Variants in CACNA1H observed in about 807,000 individuals in gnomAD.
CACNA1H encodes the protein voltage-dependent T-type calcium channel subunit alpha-1H.
In CACNA1H, 149 loss-of-function variants were observed where a neutral mutation model predicts 192.5. The observed-to-expected ratio is 0.77, with a 90% confidence interval of 0.68 to 0.89. CACNA1H has a LOEUF of 0.89. Ranked by LOEUF, CACNA1H falls within the 40% of genes least tolerant of loss-of-function variation. The probability of loss-of-function intolerance (pLI) is 0.00; values close to 1 mark genes in which losing one functional copy is unlikely to be tolerated. For missense variants in CACNA1H, 4,257 were observed against 3,423.5 expected (o/e 1.24, Z -6.08); for synonymous variants, 2,202 against 1,475.2 (o/e 1.49, Z -11.29).
chr16:1,153,866 G>T lies in CACNA1H; in HGVS notation c.129G>T (p.Gly43=). ...CGCCGGGACGCGAGGCGGAGCGGGGGTCCGAGCTCGGCGTGTCACCCTCCG... is the reference window on the plus strand; with the variant it reads ...CGCCGGGACGCGAGGCGGAGCGGGGTTCCGAGCTCGGCGTGTCACCCTCCG... ...PGAPGREAER[G]SELGVSPSES... is the part of the protein sequence containing the mutation. Residue 43 remains glycine (G), a synonymous_variant, in exon 2 of 35, where the codon GGG becomes GGT. Coordinates refer to ENST00000348261, the MANE Select transcript of CACNA1H (RefSeq NM_021098.3). 3.6e-6 allele frequency: 5 copies of T among 1,387,782 alleles called. No homozygotes were observed. The highest frequency in any genetic ancestry group is 3.0e-5 in the South Asian group (2 of 65,674). 86.0% of individuals were successfully genotyped at this position (1,387,782 alleles called of 1,614,324 possible).
chr16:1,193,529 C>T (rs1056148823), intron 2 of CACNA1H, among the ~76,000 whole-genome samples: 12 of 152,242 alleles, frequency 7.9e-5, no homozygotes, highest in African/African-American at 2.4e-4. Flanking sequence ...GGTGCGTCAT[C>T]GGTAGGCGGC....
chr16:1,190,953 T>C lies in CACNA1H; in HGVS notation c.300-4019T>C, dbSNP rs867231996. ...TCGCTGACCCAGCATGCTGGCCTGG[T>C]TGTGTGGCCTCAGGCACACTCGGGG... On this transcript the variant is annotated intron_variant, in intron 2 of 34. Transcript: ENST00000348261. Among the ~76,000 whole-genome samples, 470 of 118,122 alleles carry C rather than the reference T, an allele frequency of 4.0e-3. 1 individual carries two copies. Among genetic ancestry groups the C allele is most frequent in the African/African-American group, 0.012 (347 of 28,012 alleles). 77.5% of individuals were successfully genotyped at this position (118,122 alleles called of 152,430 possible). A position where few individuals can be genotyped will look rare whatever the true frequency, so the allele number is the denominator to read the frequency against.
At chr16:1,196,828 C>G (rs1192668275) in intron 5 of CACNA1H, among the ~76,000 whole-genome samples, 1 of 152,122 alleles carries the variant, frequency 6.6e-6, no homozygotes. Flanking sequence ...GGGGTGGGAT[C>G]GTTCTTTAAG....
In CACNA1H at chr16:1,153,794, C is replaced by G; in HGVS notation, c.57C>G (p.Pro19=). 1.6e-6 allele frequency: 2 copies of G among 1,247,018 alleles called. No homozygotes were observed. Among genetic ancestry groups the G allele is most frequent in the South Asian group, 5.8e-5 (2 of 34,464 alleles). 77.2% of individuals were successfully genotyped at this position (1,247,018 alleles called of 1,614,324 possible). ...TCCGGGTGCCCCTGGGCGCGCCGCCCCCTGGCCCTGCGGCGTTGGTGGGGG... is the reference window on the plus strand; with the variant it reads ...TCCGGGTGCCCCTGGGCGCGCCGCCGCCTGGCCCTGCGGCGTTGGTGGGGG... ...DEVRVPLGAP[P]PGPAALVGAS... is the part of the protein sequence containing the mutation. Residue 19 remains proline, a synonymous_variant, in exon 2 of 35, where the codon CCC becomes CCG. Coordinates refer to ENST00000348261, the MANE Select transcript of CACNA1H (RefSeq NM_021098.3).
At chr16:1,219,199 A>C in intron 34 of CACNA1H, 69 bp downstream of exon 34, 4 of 1,397,578 alleles carry the variant, frequency 2.9e-6, no homozygotes, top group African/African-American at 1.4e-5. Flanking sequence ...GCCTCGTCTC[A>C]TCTGAAGGAC....
rs759262489 is a variant in CACNA1H at position 1,209,069 on chromosome 16, C to G, written c.3401C>G (p.Pro1134Arg). The G allele has an allele frequency of 7.1e-5, 109 of 1,541,952 alleles. No individual in the cohort carries two copies. The highest frequency in any genetic ancestry group is 9.4e-5 in the Non-Finnish European group (108 of 1,149,374). Residue 1134 changes from proline (P) to arginine (R), a missense_variant, in exon 17 of 35, where the codon CCC becomes CGC. By Grantham distance (103) the Pro-to-Arg change is moderately radical (BLOSUM62 -2). Coordinates refer to ENST00000348261, the MANE Select transcript of CACNA1H (RefSeq NM_021098.3). ...AGTTCTCCCTGTGCCCCCTGGGGCC[C>G]CAGTGGCGCCTGGAGCAGCCGGCGC... is the stretch of plus-strand genomic sequence containing the variant. Reference protein sequence around the residue: ...LRSSPCAPWGPSGAWSSRRSS... With the variant: ...LRSSPCAPWGRSGAWSSRRSS...
Position 1,198,784 on chromosome 16 carries a change from C to CCCCA in CACNA1H, c.803+14_803+17dup, listed in dbSNP as rs1457763715. The stretch of plus-strand genomic sequence containing the variant: ...ACAGTGCCTTTGTCAGGTGCCCAGG[C>CCCCA]CCCACCCCCGTGAGGCCCCTGCCCA... On this transcript the variant is annotated intron_variant, in intron 6 of 34. Coordinates refer to ENST00000348261, the MANE Select transcript of CACNA1H (RefSeq NM_021098.3). 6.2e-7 allele frequency: 1 copy of CCCCA among 1,605,330 alleles called. No individual in the cohort carries two copies. The highest frequency in any genetic ancestry group is 2.2e-5 in the East Asian group (1 of 44,744).
rs1426520537 is a variant in CACNA1H at position 1,202,153 on chromosome 16, A to T, written c.1703A>T (p.Asp568Val). 1 of 1,550,466 alleles carries T rather than the reference A, an allele frequency of 6.4e-7. No homozygotes were observed. The highest frequency in any genetic ancestry group is 1.2e-5 in the South Asian group (1 of 84,134). Residue 568 changes from aspartate (D) to valine (V), a missense_variant, in exon 9 of 35, where the codon GAC becomes GTC. Asp to Val is a radical substitution (Grantham distance 152, BLOSUM62 -3). Coordinates refer to ENST00000348261, the MANE Select transcript of CACNA1H (RefSeq NM_021098.3). ...SPPSPGRGPP[D>V]AESVHSIYHA... is the part of the protein sequence containing the mutation. The stretch of plus-strand genomic sequence containing the variant: ...CCTTCCCCAGGCCGCGGACCCCCCG[A>T]CGCAGAGTCTGTGCACAGCATCTAC...
chr16:1,207,877 G>A lies in CACNA1H; in HGVS notation c.3154+17G>A, dbSNP rs1395579430. On this transcript the variant is annotated intron_variant, in intron 15 of 34. Transcript: ENST00000348261. ...AGACCACAGGTGCGTGTGGTCGGTG[G>A]GTGGTCCGGGTTCTGGCGGGTGGAG... The A allele has an allele frequency of 2.5e-6, 4 of 1,573,044 alleles. No individual in the cohort carries two copies. The highest frequency in any genetic ancestry group is 2.7e-5 in the African/African-American group (2 of 73,798).
chr16:1,175,963 T>G (rs760550746), intron 2 of CACNA1H, among the ~76,000 whole-genome samples: 2 of 152,200 alleles, frequency 1.3e-5, no homozygotes, highest in Non-Finnish European at 2.9e-5. Context: ...CGTCTGGACC[T>G]GGCCTGGGGG....
At chr16:1,177,557 G>T (rs539767561) in intron 2 of CACNA1H, among the ~76,000 whole-genome samples, 1 of 152,246 alleles carries the variant, frequency 6.6e-6, no homozygotes, top group African/African-American at 2.4e-5. Context: ...GTGTTGGGGT[G>T]GAAGGGAAGG....
Position 1,220,932 on chromosome 16 carries a change from G to C in CACNA1H, c.7000G>C (p.Glu2334Gln), listed in dbSNP as rs1203994251. The C allele has an allele frequency of 2.5e-6, 4 of 1,609,666 alleles. No individual in the cohort carries two copies. In the Admixed American group the frequency reaches 5.0e-5, roughly 20 times the overall value. ...CCTCACAGTCCCCCAGTGTCCTCTG[G>C]AGAAACCAGGGTCCCCCTCAGCCAC... Reference protein sequence around the residue: ...LYLTVPQCPLEKPGSPSATPA... With the variant: ...LYLTVPQCPLQKPGSPSATPA... Residue 2334 changes from glutamate to glutamine, a missense_variant, in exon 35 of 35, where the codon GAG becomes CAG. Transcript: ENST00000348261.
chr16:1,172,770 C>G (rs777729265), intron 2 of CACNA1H, among the ~76,000 whole-genome samples: 34 of 152,214 alleles, frequency 2.2e-4, no homozygotes, highest in Non-Finnish European at 3.7e-4. Context: ...GCGGAGTGGG[C>G]TGCTGCTGCC....
At chr16:1,203,903 T>C (rs965318212) in intron 9 of CACNA1H, 107 bp from the exon 10 acceptor site, 6 of 785,054 alleles carry the variant, frequency 7.6e-6, no homozygotes, top group Non-Finnish European at 1.2e-5. Flanking sequence ...GGATGGATCT[T>C]TCTGGGGGGG....
At chr16:1,208,498 G>A (rs987235350) in intron 16 of CACNA1H, among the ~76,000 whole-genome samples, 3 of 152,202 alleles carry the variant, frequency 2.0e-5, no homozygotes, top group Non-Finnish European at 4.4e-5. Context: ...AAGCAAGCAG[G>A]GGCAGAAGCG....
Position 1,200,752 on chromosome 16 carries a change from T to G in CACNA1H, c.1156T>G (p.Tyr386Asp), listed in dbSNP as rs769117669. Reference sequence around the variant, plus strand: ...GGAAGGCTGGGTGGACATCATGTACTACGTCATGGACGCCCACTCATTCTA... The same window carrying G: ...GGAAGGCTGGGTGGACATCATGTACGACGTCATGGACGCCCACTCATTCTA... ...TLEGWVDIMY[Y>D]VMDAHSFYNF... is the part of the protein sequence containing the mutation. The change falls in exon 8 of 35, where the codon TAC becomes GAC. Residue 386 changes from tyrosine to aspartate, a missense_variant. Transcript: ENST00000348261. 1 of 1,558,970 alleles carries G rather than the reference T, an allele frequency of 6.4e-7. No homozygotes were observed. Among genetic ancestry groups the G allele is most frequent in the Non-Finnish European group, 8.7e-7 (1 of 1,151,444 alleles).
intron 2 of CACNA1H, among the ~76,000 whole-genome samples, chr16:1,178,156 G>GCC (rs1295506602): frequency 3.2e-5 from 2 of 63,292 alleles, no homozygotes; most frequent in African/African-American, 1.3e-4. Context: ...CCCGGAAACC[G>GCC]CCCCCCCATG....
intron 2 of CACNA1H, among the ~76,000 whole-genome samples, chr16:1,154,319 G>A (rs2151607682): frequency 6.6e-6 from 1 of 152,300 alleles, no homozygotes; most frequent in East Asian, 1.9e-4. Flanking sequence ...GGGCTTGGAG[G>A]GGAGAGGAGT....
At chr16:1,213,044 TC>T (rs1410305994) in intron 26 of CACNA1H, among the ~76,000 whole-genome samples, 89 of 152,322 alleles carry the variant, frequency 5.8e-4, no homozygotes, top group African/African-American at 1.9e-3. Flanking sequence ...CGGGAGCTCC[TC>T]CTCGTACGTG....
Sources: allele counts gnomAD v4.1 joint callset (sites outside exome capture counted in the v4.1 genomes callset), GRCh38; gene constraint gnomAD v4.1.1; transcripts MANE v1.5; gene names NCBI Gene and HGNC (gene_info 2026-07-23, HGNC 2026-07-21).